NR2F1-AS1: variants seen among roughly 807,000 people sequenced by gnomAD.
The protein encoded by NR2F1-AS1 is NR2F1 antisense RNA 1.
intron 4 of NR2F1-AS1, among the ~76,000 whole-genome samples, chr5:93,450,036 T>C (rs985123137): frequency 1.6e-4 from 24 of 152,322 alleles, no homozygotes; most frequent in Non-Finnish European, 2.4e-4. Context: ...TTTAGTGGCC[T>C]CAAAGAATTG....
chr5:93,487,712 T>C (rs1027585204), intron 4 of NR2F1-AS1, among the ~76,000 whole-genome samples: 7 of 152,254 alleles, frequency 4.6e-5, no homozygotes, highest in African/African-American at 1.7e-4. Flanking sequence ...CAAGCTACCA[T>C]TGACTTTCTT....
chr5:93,528,794 G>A (rs553608097), intron 4 of NR2F1-AS1, among the ~76,000 whole-genome samples: 22 of 151,852 alleles, frequency 1.4e-4, no homozygotes, highest in Non-Finnish European at 2.5e-4. Flanking sequence ...AAACTAACAC[G>A]GGAACAGAAA....
At chr5:93,422,890 A>G (rs1749117070) in intron 4 of NR2F1-AS1, among the ~76,000 whole-genome samples, 2 of 152,144 alleles carry the variant, frequency 1.3e-5, no homozygotes, top group African/African-American at 4.8e-5. Flanking sequence ...GGAGTTTAGA[A>G]TGGGAAAGGG....
At chr5:93,499,945 T>C (rs969955511) in intron 4 of NR2F1-AS1, among the ~76,000 whole-genome samples, 1 of 152,128 alleles carries the variant, frequency 6.6e-6, no homozygotes, top group African/African-American at 2.4e-5. Context: ...TTTTCTTCAA[T>C]TCTATGAAGG....
chr5:93,557,133 G>C (rs1752375060), intron 2 of NR2F1-AS1, among the ~76,000 whole-genome samples: 1 of 152,050 alleles, frequency 6.6e-6, no homozygotes, highest in Admixed American at 6.6e-5. Context: ...TCAAACATCA[G>C]AGAATGTAAT....
At chr5:93,523,998 G>A (rs1580301392) in intron 4 of NR2F1-AS1, among the ~76,000 whole-genome samples, 1 of 152,046 alleles carries the variant, frequency 6.6e-6, no homozygotes, top group East Asian at 1.9e-4. Context: ...ACTGGACAGA[G>A]AATGAGTTTG....
chr5:93,474,973 A>C lies in NR2F1-AS1; in HGVS notation n.638+78788T>G, dbSNP rs1580257925. Among the ~76,000 whole-genome samples the C allele has an allele frequency of 2.0e-5, 3 of 151,998 alleles. 1 individual carries two copies. Among genetic ancestry groups the C allele is most frequent in the African/African-American group, 7.2e-5 (3 of 41,406 alleles). Reference sequence around the variant, plus strand: ...ACCCCGTCTCTACTAAAAATACAAAAATTAGCCAGGCATGGCCGTGTGTGC... The same window carrying C: ...ACCCCGTCTCTACTAAAAATACAAACATTAGCCAGGCATGGCCGTGTGTGC... On this transcript the variant is annotated intron_variant and non_coding_transcript_variant, in intron 4 of 5. Coordinates refer to ENST00000660523, the Ensembl canonical transcript of NR2F1-AS1.
At chr5:93,421,119 T>C (rs537500914) in intron 4 of NR2F1-AS1, among the ~76,000 whole-genome samples, 1 of 152,308 alleles carries the variant, frequency 6.6e-6, no homozygotes, top group Non-Finnish European at 1.5e-5. Context: ...TCATTGCAAT[T>C]CTGGCTACCA....
At chr5:93,519,062 G>A (rs965405186) in intron 4 of NR2F1-AS1, among the ~76,000 whole-genome samples, 1 of 151,978 alleles carries the variant, frequency 6.6e-6, no homozygotes. Context: ...ATTTGCATAT[G>A]GTCAAAATCC....
intron 4 of NR2F1-AS1, among the ~76,000 whole-genome samples, chr5:93,538,380 T>C (rs940439052): frequency 5.3e-5 from 8 of 152,096 alleles, no homozygotes; most frequent in Admixed American, 3.9e-4. Flanking sequence ...GAGGCTCAGA[T>C]GGGAGGATCA....
At chr5:93,457,642 T>C (rs1475904903) in intron 4 of NR2F1-AS1, among the ~76,000 whole-genome samples, 1 of 152,080 alleles carries the variant, frequency 6.6e-6, no homozygotes, top group Non-Finnish European at 1.5e-5. Flanking sequence ...ATGGTCGCTG[T>C]CTCTTTGGAG....
intron 1 of NR2F1-AS1, among the ~76,000 whole-genome samples, chr5:93,565,491 T>C (rs570920985): frequency 7.9e-5 from 12 of 152,214 alleles, no homozygotes; most frequent in Non-Finnish European, 1.6e-4. Context: ...AAAGGATAAC[T>C]GCCAAATTTA....
At chr5:93,427,148 T>C (rs751438030) in intron 4 of NR2F1-AS1, among the ~76,000 whole-genome samples, 3 of 152,146 alleles carry the variant, frequency 2.0e-5, no homozygotes, top group African/African-American at 4.8e-5. Flanking sequence ...AGTAAACAAA[T>C]TTCCTCCTTA....
intron 4 of NR2F1-AS1, among the ~76,000 whole-genome samples, chr5:93,546,154 TGTAAG>T (rs1328943377): frequency 1.3e-5 from 2 of 152,178 alleles, no homozygotes; most frequent in African/African-American, 4.8e-5. Context: ...AGAGAAGGTT[TGTAAG>T]GTATCTAGCA....
chr5:93,444,463 A>C (rs1419306821), intron 4 of NR2F1-AS1, among the ~76,000 whole-genome samples: 1 of 152,330 alleles, frequency 6.6e-6, no homozygotes, highest in South Asian at 2.1e-4. Flanking sequence ...AGGCCATTAT[A>C]TAATTGTAAA....
intron 4 of NR2F1-AS1, among the ~76,000 whole-genome samples, chr5:93,476,664 C>T (rs1474556998): frequency 2.0e-5 from 3 of 152,080 alleles, no homozygotes; most frequent in Non-Finnish European, 4.4e-5. Context: ...ATTGGAGAAC[C>T]ATCTGACATG....
At chr5:93,412,114 A>G (rs917237082) in intron 4 of NR2F1-AS1, among the ~76,000 whole-genome samples, 6 of 152,168 alleles carry the variant, frequency 3.9e-5, no homozygotes, top group Non-Finnish European at 7.4e-5. Context: ...TATTAGTTAC[A>G]CCATCATGCA....
At chr5:93,572,872 T>C (rs1412736155) in intron 1 of NR2F1-AS1, among the ~76,000 whole-genome samples, 1 of 152,216 alleles carries the variant, frequency 6.6e-6, no homozygotes, top group Non-Finnish European at 1.5e-5. Flanking sequence ...CAGATGTTGT[T>C]ATCTCCCGCT....
In NR2F1-AS1 at chr5:93,571,193, A is replaced by C. The variant is rs982965266; in HGVS notation, n.314-7730T>G. On this transcript the variant is annotated intron_variant and non_coding_transcript_variant, in intron 1 of 5. Coordinates refer to ENST00000660523, the Ensembl canonical transcript of NR2F1-AS1. ...GGCGGCCTGAAGGCCTGGGGCCTTC[A>C]GGAAAGCCTCGGGCACTCCCAGCGG... 2.0e-5 allele frequency: 3 copies of C among 151,646 alleles called. No individual in the cohort carries two copies. The East Asian group carries it at 6.0e-4, about 30-fold the overall frequency. 9.4% of individuals were successfully genotyped at this position (151,646 alleles called of 1,614,324 possible). A position where few individuals can be genotyped will look rare whatever the true frequency, so the allele number is the denominator to read the frequency against.
Sources: gnomAD v4.1 joint callset for allele counts (sites outside exome capture counted in the v4.1 genomes callset) on GRCh38, gnomAD v4.1.1 for gene constraint, MANE v1.5 for transcripts, NCBI Gene and HGNC (gene_info 2026-07-23, HGNC 2026-07-21) for gene names.